Variants in LARGE1 observed in about 807,000 individuals in gnomAD.
The protein encoded by LARGE1 is LARGE xylosyl- and glucuronyltransferase 1.
In LARGE1, 43 loss-of-function variants were observed where a neutral mutation model predicts 87.6. That is an observed-to-expected ratio of 0.49 (90% CI 0.38 to 0.63). The LOEUF is 0.63. Ranked by LOEUF, LARGE1 falls within the 30% of genes least tolerant of loss-of-function variation. LARGE1 has a pLI of 0.00. For missense variants in LARGE1, 802 were observed against 1,000.2 expected, an observed-to-expected ratio of 0.80 and a Z score of 2.67; for synonymous variants, 434 against 394.6, an observed-to-expected ratio of 1.10 and a Z score of -1.18.
At chr22:33,478,718 A>C (rs5998959) in intron 6 of LARGE1, among the ~76,000 whole-genome samples, 5,753 of 152,310 alleles carry the variant, frequency 0.038, 357 homozygotes, top group African/African-American at 0.13. Flanking sequence ...ACATGAAAGC[A>C]TCTGGCACAA....
At chr22:33,280,864 C>G (rs1049066934) in intron 13 of LARGE1, among the ~76,000 whole-genome samples, 1 of 152,174 alleles carries the variant, frequency 6.6e-6, no homozygotes, top group African/African-American at 2.4e-5. Flanking sequence ...AAGACTGGTT[C>G]CAATTCCAGA....
chr22:33,401,926 C>T (rs1435984821), intron 7 of LARGE1, among the ~76,000 whole-genome samples: 1 of 152,176 alleles, frequency 6.6e-6, no homozygotes, highest in Non-Finnish European at 1.5e-5. Flanking sequence ...TTGGCTAGTC[C>T]CTGGGTGCCC....
At chr22:33,210,900 C>A (rs1347571890) in intron 11 of LARGE1, among the ~76,000 whole-genome samples, 1 of 152,230 alleles carries the variant, frequency 6.6e-6, no homozygotes, top group Non-Finnish European at 1.5e-5. Context: ...GCTCTGGCTG[C>A]CGTAACAAGG....
intron 6 of LARGE1, among the ~76,000 whole-genome samples, chr22:33,528,891 G>A (rs539481952): frequency 1.3e-5 from 2 of 152,098 alleles, no homozygotes; most frequent in Non-Finnish European, 2.9e-5. Flanking sequence ...AACATTTATT[G>A]AGTGTCTACT....
chr22:33,814,038 C>A (rs1040281873), intron 1 of LARGE1, among the ~76,000 whole-genome samples: 1 of 152,076 alleles, frequency 6.6e-6, no homozygotes, highest in South Asian at 2.1e-4. Context: ...TTACGTATCT[C>A]GATGGGGGAA....
At chr22:33,542,593 T>C (rs1383510918) in intron 6 of LARGE1, among the ~76,000 whole-genome samples, 2 of 149,578 alleles carry the variant, frequency 1.3e-5, no homozygotes, top group Admixed American at 6.8e-5. Context: ...GATAGGTATA[T>C]AGAACCTTGA....
At chr22:33,800,143 C>A (rs2086114609) in intron 1 of LARGE1, among the ~76,000 whole-genome samples, 1 of 152,166 alleles carries the variant, frequency 6.6e-6, no homozygotes, top group Non-Finnish European at 1.5e-5. Context: ...AAATAGTAAG[C>A]CCCTTGCAGG....
chr22:33,351,898 C>T (rs1196279225), intron 9 of LARGE1, among the ~76,000 whole-genome samples: 2 of 151,992 alleles, frequency 1.3e-5, no homozygotes, highest in Non-Finnish European at 2.9e-5. Flanking sequence ...GCCACCACAC[C>T]CAGCTAATTT....
At chr22:33,572,100 C>T in intron 5 of LARGE1, 1 of 680,214 alleles carries the variant, frequency 1.5e-6, no homozygotes, top group Non-Finnish European at 2.4e-6. Context: ...GTAAGCTCTC[C>T]TCTGCCATAC....
chr22:33,629,852 A>G (rs5999041), intron 3 of LARGE1, among the ~76,000 whole-genome samples: 16,256 of 152,028 alleles, frequency 0.11, 2,847 homozygotes, highest in African/African-American at 0.37. Context: ...CGGATCATCT[A>G]AGGTCAAGAG....
intron 1 of LARGE1, among the ~76,000 whole-genome samples, chr22:33,841,346 T>G (rs894251451): frequency 6.6e-6 from 1 of 152,154 alleles, no homozygotes; most frequent in Non-Finnish European, 1.5e-5. Flanking sequence ...AAGGACTGAA[T>G]AGTTCACAAT....
At chr22:33,514,395 C>G (rs1470149883) in intron 6 of LARGE1, among the ~76,000 whole-genome samples, 1 of 152,138 alleles carries the variant, frequency 6.6e-6, no homozygotes, top group East Asian at 1.9e-4. Flanking sequence ...ATACTGCCAG[C>G]CCTCTGTATC....
chr22:33,699,922 G>T (rs996353801), intron 2 of LARGE1, among the ~76,000 whole-genome samples: 1 of 152,162 alleles, frequency 6.6e-6, no homozygotes, highest in African/African-American at 2.4e-5. Context: ...TTCATCCATT[G>T]ATCTAATTTC....
chr22:33,794,412 C>T (rs2085918180), intron 1 of LARGE1, among the ~76,000 whole-genome samples: 1 of 152,184 alleles, frequency 6.6e-6, no homozygotes, highest in Non-Finnish European at 1.5e-5. Flanking sequence ...AAAGCCAGAA[C>T]TGCTCTCGAA....
chr22:33,119,436 G>A, the LARGE1 span, among the ~76,000 whole-genome samples: 1 of 152,078 alleles, frequency 6.6e-6, no homozygotes, highest in Non-Finnish European at 1.5e-5. Context: ...AGTGGCATCT[G>A]GGTGAAATCT....
At chr22:33,399,832 G>A (rs144874906) in intron 7 of LARGE1, among the ~76,000 whole-genome samples, 3,712 of 152,336 alleles carry the variant, frequency 0.024, 54 homozygotes, top group Non-Finnish European at 0.034. Context: ...AGAGGCGTGA[G>A]CCACCACGCC....
intron 2 of LARGE1, among the ~76,000 whole-genome samples, chr22:33,694,010 C>G (rs2082173894): frequency 6.6e-6 from 1 of 152,146 alleles, no homozygotes; most frequent in Non-Finnish European, 1.5e-5. Flanking sequence ...AGTATCTGCT[C>G]ACAGTATTTG....
rs568317964 is a variant in LARGE1, at chr22:33,197,923, G to A, written c.1731-31091C>T. 1.7e-4 allele frequency among the ~76,000 whole-genome samples: 25 copies of A among 149,874 alleles called. No individual in the cohort carries two copies. The South Asian group carries it at 4.2e-3, about 25-fold the overall frequency. ...GAATTGGTATATAAACAGACATATGGATCAATGCCACATAATAGAGTCCAG... is the reference window on the plus strand; with the variant it reads ...GAATTGGTATATAAACAGACATATGAATCAATGCCACATAATAGAGTCCAG... On this transcript the variant is annotated intron_variant, in intron 11 of 11. Coordinates refer to the LARGE1 transcript ENST00000608642.
chr22:33,553,837 T>C (rs1371298423), intron 6 of LARGE1, among the ~76,000 whole-genome samples: 1 of 152,128 alleles, frequency 6.6e-6, no homozygotes, highest in Non-Finnish European at 1.5e-5. Flanking sequence ...CCTCCAGAGA[T>C]GTCTTTCCTC....
Sources: gnomAD v4.1 joint callset for allele counts (sites outside exome capture counted in the v4.1 genomes callset) on GRCh38, gnomAD v4.1.1 for gene constraint, MANE v1.5 for transcripts, NCBI Gene and HGNC (gene_info 2026-07-23, HGNC 2026-07-21) for gene names.